Variants in LNX1 observed in about 807,000 individuals in gnomAD.
LNX1 encodes ligand of numb-protein X 1.
A neutral mutation model predicts 68.4 loss-of-function variants in LNX1; 54 were observed. The observed-to-expected ratio is 0.79, with a 90% CI of 0.63 to 0.99. LNX1 has a LOEUF of 0.99. LNX1 is among the 50% of genes least tolerant of loss of function. LNX1 has a pLI of 0.00. For missense variants in LNX1, 906 were observed against 926.4 expected (o/e 0.98, Z 0.29); for synonymous variants, 336 against 350.0 (o/e 0.96, Z 0.45).
intron 4 of LNX1, among the ~76,000 whole-genome samples, chr4:53,501,483 C>A (rs1182988352): frequency 6.6e-6 from 1 of 152,016 alleles, no homozygotes; most frequent in African/African-American, 2.4e-5. Flanking sequence ...CAAAGTCTCA[C>A]CATGTTCCCC....
At chr4:53,487,719 C>T (rs1362666891) in intron 6 of LNX1, among the ~76,000 whole-genome samples, 1 of 152,118 alleles carries the variant, frequency 6.6e-6, no homozygotes, top group Non-Finnish European at 1.5e-5. Flanking sequence ...AGCTGTAATG[C>T]GACTGATAAC....
intron 2 of LNX1, among the ~76,000 whole-genome samples, chr4:53,518,910 G>T (rs1174872894): frequency 2.0e-5 from 3 of 152,206 alleles, no homozygotes; most frequent in African/African-American, 7.2e-5. Context: ...CTGCCATGAG[G>T]AATACAAATG....
At chr4:53,557,338 G>A (rs1165443823) in intron 2 of LNX1, among the ~76,000 whole-genome samples, 1 of 152,116 alleles carries the variant, frequency 6.6e-6, no homozygotes, top group Non-Finnish European at 1.5e-5. Context: ...AAATATGGGT[G>A]CTCAAGGCAT....
intron 2 of LNX1, among the ~76,000 whole-genome samples, chr4:53,509,905 G>T (rs1726201978): frequency 6.6e-6 from 1 of 152,110 alleles, no homozygotes; most frequent in Admixed American, 6.5e-5. Context: ...TACATACTTG[G>T]TATTACACCA....
chr4:53,493,278 C>T (rs531264379), intron 6 of LNX1, among the ~76,000 whole-genome samples: 113 of 152,284 alleles, frequency 7.4e-4, no homozygotes, highest in South Asian at 6.0e-3. Context: ...GAAAATGCCT[C>T]TTCTAACTCT....
At chr4:53,545,802 A>ATT (rs71197029) in intron 2 of LNX1, among the ~76,000 whole-genome samples, 44 of 111,602 alleles carry the variant, frequency 3.9e-4, no homozygotes, top group Admixed American at 1.2e-3. Context: ...CAGAGGCCAC[A>ATT]TTTTTTTTTT....
At chr4:53,533,262 A>T (rs1463458834) in intron 2 of LNX1, among the ~76,000 whole-genome samples, 1 of 152,222 alleles carries the variant, frequency 6.6e-6, no homozygotes, top group Non-Finnish European at 1.5e-5. Flanking sequence ...AATAGAACAT[A>T]CAAAGGAACC....
intron 8 of LNX1, among the ~76,000 whole-genome samples, chr4:53,478,071 T>C (rs181592497): frequency 1.2e-4 from 19 of 152,314 alleles, no homozygotes; most frequent in African/African-American, 4.6e-4. Context: ...TAGCCCAGAA[T>C]ACATGAGCTT....
At chr4:53,493,519 A>C (rs372198482) in intron 6 of LNX1, among the ~76,000 whole-genome samples, 13 of 152,142 alleles carry the variant, frequency 8.5e-5, no homozygotes, top group African/African-American at 3.1e-4. Context: ...ATACCATCCA[A>C]CACTTGGTCC....
intron 2 of LNX1, among the ~76,000 whole-genome samples, chr4:53,545,151 A>G (rs1729018507): frequency 6.6e-6 from 1 of 152,222 alleles, no homozygotes; most frequent in Admixed American, 6.5e-5. Context: ...ATTTCTGACT[A>G]ATCACTTTAA....
At chr4:53,585,673 G>A (rs1577760426) in intron 1 of LNX1, among the ~76,000 whole-genome samples, 2 of 152,150 alleles carry the variant, frequency 1.3e-5, no homozygotes, top group Admixed American at 1.3e-4. Flanking sequence ...GAGAGGCAGA[G>A]ATTGGAATTA....
intron 2 of LNX1, among the ~76,000 whole-genome samples, chr4:53,561,228 T>C (rs1287033215): frequency 1.3e-5 from 2 of 152,082 alleles, no homozygotes; most frequent in Admixed American, 6.6e-5. Flanking sequence ...CCCCTGTATT[T>C]CTTTTCTTTT....
intron 8 of LNX1, among the ~76,000 whole-genome samples, chr4:53,477,751 C>T (rs1356260414): frequency 6.6e-6 from 1 of 152,058 alleles, no homozygotes; most frequent in Non-Finnish European, 1.5e-5. Flanking sequence ...CTTTCTTATA[C>T]AGAATAACCA....
intron 1 of LNX1, among the ~76,000 whole-genome samples, chr4:53,623,482 C>T (rs1212038595): frequency 6.6e-6 from 1 of 152,050 alleles, no homozygotes; most frequent in Non-Finnish European, 1.5e-5. Context: ...GATCCACCTG[C>T]CTTGGCCTCT....
At chr4:53,595,001 T>G (rs1167903904), upstream of LNX1, among the ~76,000 whole-genome samples, 1 of 152,208 alleles carries the variant, frequency 6.6e-6, no homozygotes, top group Non-Finnish European at 1.5e-5. Flanking sequence ...TGCGAGCCAC[T>G]TGGTCCCCTT....
At chr4:53,638,751 T>C (rs1427968691) in intron 1 of LNX1, among the ~76,000 whole-genome samples, 1 of 152,162 alleles carries the variant, frequency 6.6e-6, no homozygotes, top group East Asian at 1.9e-4. Flanking sequence ...GCATGAGTTA[T>C]AGCGCTGTTG....
chr4:53,629,882 A>T (rs1377137519), intron 1 of LNX1, among the ~76,000 whole-genome samples: 5 of 152,156 alleles, frequency 3.3e-5, no homozygotes, highest in African/African-American at 9.7e-5. Context: ...ATGCTGCTTT[A>T]TCCTCTATAT....
At chr4:53,472,213 C>G (rs1266719117) in intron 9 of LNX1, among the ~76,000 whole-genome samples, 1 of 152,144 alleles carries the variant, frequency 6.6e-6, no homozygotes, top group African/African-American at 2.4e-5. Flanking sequence ...TGGAAACCAT[C>G]ATTCTCAGCA....
chr4:53,627,865 T>C (rs1734135783), intron 1 of LNX1, among the ~76,000 whole-genome samples: 1 of 152,174 alleles, frequency 6.6e-6, no homozygotes, highest in Non-Finnish European at 1.5e-5. Flanking sequence ...GCATGCCCCT[T>C]TGGGAGATTT....
Sources: gnomAD v4.1 joint callset for allele counts (sites outside exome capture counted in the v4.1 genomes callset) on GRCh38, gnomAD v4.1.1 for gene constraint, MANE v1.5 for transcripts, NCBI Gene and HGNC (gene_info 2026-07-23, HGNC 2026-07-21) for gene names.